The following CCDC171 variants were observed in gnomAD, a reference collection of about 807,000 sequenced individuals.
CCDC171 encodes the protein coiled-coil domain-containing protein 171.
A neutral mutation model predicts 168.2 loss-of-function variants in CCDC171; 177 were observed. That is an observed-to-expected ratio of 1.05 (90% CI 0.93 to 1.19). The LOEUF (loss-of-function observed/expected upper bound fraction) is 1.19, where lower values mean the gene tolerates loss of function less well. Among genes scored for constraint, CCDC171 ranks in the 50% most tolerant of loss-of-function variants. The pLI, the probability that CCDC171 is intolerant of heterozygous loss-of-function variation, is 0.00. For synonymous variants in CCDC171, 687 were observed against 540.8 expected (o/e 1.27, Z -3.75); for missense variants, 1,991 against 1,539.0 (o/e 1.29, Z -4.91).
rs565535330 is a variant in CCDC171 at position 15,677,980 on chromosome 9, G to A, written c.1077-778G>A. Among the ~76,000 whole-genome samples, 3 of 131,896 alleles carry A rather than the reference G, an allele frequency of 2.3e-5. No homozygotes were observed. In the Admixed American group the frequency reaches 2.5e-4, roughly 11 times the overall value. The allele number at this position is 131,896 out of a possible 152,430, so 86.5% of individuals were successfully genotyped here. A position where few individuals can be genotyped will look rare whatever the true frequency, so the allele number is the denominator to read the frequency against. On this transcript the variant is annotated intron_variant, in intron 9 of 25. Coordinates refer to ENST00000380701, the MANE Select transcript of CCDC171 (RefSeq NM_173550.4). Reference sequence around the variant, plus strand: ...ACTGGAGTGCAGTGGCACAATCATAGCTCACTGCAACCTTGAACTCCTGGG... The same window carrying A: ...ACTGGAGTGCAGTGGCACAATCATAACTCACTGCAACCTTGAACTCCTGGG...
chr9:16,019,111 T>A (rs1279316080), intron 3 of CCDC171, among the ~76,000 whole-genome samples: 1 of 152,206 alleles, frequency 6.6e-6, no homozygotes, highest in Non-Finnish European at 1.5e-5. Context: ...TTTAAAGCCT[T>A]TGATTGGGAG....
intron 3 of CCDC171, among the ~76,000 whole-genome samples, chr9:16,010,413 A>C (rs946249028): frequency 6.6e-6 from 1 of 152,062 alleles, no homozygotes; most frequent in Non-Finnish European, 1.5e-5. Context: ...GTCACTAGGG[A>C]ATGCCTAAGG....
At chr9:15,948,532 A>G (rs1351873624) in intron 25 of CCDC171, among the ~76,000 whole-genome samples, 8 of 151,318 alleles carry the variant, frequency 5.3e-5, no homozygotes, top group African/African-American at 1.7e-4. Context: ...CTGGTGTGAG[A>G]TGATATCTCA....
At chr9:15,759,974 T>C (rs988829203) in intron 18 of CCDC171, among the ~76,000 whole-genome samples, 2 of 152,186 alleles carry the variant, frequency 1.3e-5, no homozygotes, top group African/African-American at 4.8e-5. Flanking sequence ...TGTTAAATTA[T>C]GAGCAGTATC....
intron 21 of CCDC171, among the ~76,000 whole-genome samples, chr9:15,797,537 T>C (rs182162998): frequency 2.6e-5 from 4 of 152,248 alleles, no homozygotes; most frequent in African/African-American, 4.8e-5. Flanking sequence ...TTTTAAACTT[T>C]GGGTTGTTTG....
At chr9:15,696,080 A>G (rs2051191106) in intron 11 of CCDC171, among the ~76,000 whole-genome samples, 1 of 152,182 alleles carries the variant, frequency 6.6e-6, no homozygotes, top group Admixed American at 6.5e-5. Flanking sequence ...GCCCTGAATT[A>G]TTTGGTGGTC....
the CCDC171 span, among the ~76,000 whole-genome samples, chr9:16,094,867 G>A: frequency 1.3e-5 from 2 of 152,200 alleles, no homozygotes; most frequent in Non-Finnish European, 2.9e-5. Context: ...GTAATCCCCA[G>A]TGTTGAAAGA....
intron 25 of CCDC171, among the ~76,000 whole-genome samples, chr9:15,971,129 C>T (rs1831321746): frequency 6.6e-6 from 1 of 152,068 alleles, no homozygotes; most frequent in Non-Finnish European, 1.5e-5. Flanking sequence ...GCTTATTTTA[C>T]TTTGTGCTAC....
At position 15,613,554 on chromosome 9, in the gene CCDC171, C is replaced by T. The variant is rs191486608; in HGVS notation, c.676-9713C>T. On this transcript the variant is annotated intron_variant, in intron 6 of 25. Transcript: ENST00000380701. ...TTTTTTTTTTTTTCAGATGGAGTCT[C>T]GCTCTGTCGCCAGGCTGGAGTGCAG... Among the ~76,000 whole-genome samples, 474 of 144,094 alleles carry T rather than the reference C, an allele frequency of 3.3e-3. 1 individual carries two copies. Among genetic ancestry groups the T allele is most frequent in the Non-Finnish European group, 4.2e-3 (277 of 66,708 alleles). 94.5% of individuals were successfully genotyped at this position (144,094 alleles called of 152,430 possible).
chr9:15,627,237 A>G (rs1223355687), intron 7 of CCDC171, among the ~76,000 whole-genome samples: 1 of 151,692 alleles, frequency 6.6e-6, no homozygotes, highest in Non-Finnish European at 1.5e-5. Flanking sequence ...CTAGCTGTCT[A>G]TCAATTTTGT....
chr9:15,931,913 G>A (rs1293210210), intron 25 of CCDC171, among the ~76,000 whole-genome samples: 2 of 151,204 alleles, frequency 1.3e-5, no homozygotes, highest in Non-Finnish European at 3.0e-5. Flanking sequence ...AGCACCTTAG[G>A]TGTATGACTT....
At chr9:15,859,429 T>C (rs2061469221) in intron 23 of CCDC171, among the ~76,000 whole-genome samples, 1 of 151,982 alleles carries the variant, frequency 6.6e-6, no homozygotes, top group Non-Finnish European at 1.5e-5. Context: ...TTTCCCTCCT[T>C]TTCAAATTTT....
chr9:15,982,795 C>T (rs923473759), intron 3 of CCDC171, among the ~76,000 whole-genome samples: 3 of 152,060 alleles, frequency 2.0e-5, no homozygotes, highest in African/African-American at 4.8e-5. Flanking sequence ...AGAGTCTTCA[C>T]GATTCATTTC....
intron 7 of CCDC171, among the ~76,000 whole-genome samples, chr9:15,623,963 C>T (rs4741519): frequency 0.41 from 61,875 of 151,918 alleles, 14,405 homozygotes; most frequent in East Asian, 0.76. Context: ...TTTGTTAGTT[C>T]ATCTTTTTAA....
chr9:16,090,792 C>A, the CCDC171 span, among the ~76,000 whole-genome samples: 1 of 152,268 alleles, frequency 6.6e-6, no homozygotes, highest in African/African-American at 2.4e-5. Flanking sequence ...TATAAAGAGA[C>A]TCTTAATAAT....
chr9:15,623,475 G>GCGCGCGCGCGCACA, intron 7 of CCDC171, 62 bp downstream of exon 7: 17 of 315,470 alleles, frequency 5.4e-5, no homozygotes, highest in South Asian at 2.8e-4. Flanking sequence ...GCGCGCGCGC[G>GCGCGCGCGCGCACA]CACACACACA....
chr9:15,603,324 G>T (rs996820576), intron 6 of CCDC171, among the ~76,000 whole-genome samples: 1 of 152,148 alleles, frequency 6.6e-6, no homozygotes, highest in Admixed American at 6.5e-5. Flanking sequence ...ATGTGCCATG[G>T]TGGTTTGCTG....
chr9:16,058,930 T>A (rs1833885750), intron 1 of CCDC171, among the ~76,000 whole-genome samples: 3 of 152,248 alleles, frequency 2.0e-5, no homozygotes, highest in Admixed American at 2.0e-4. Context: ...CTAACTAGTG[T>A]GGTTTCAGTT....
Position 15,819,127 on chromosome 9 carries a change from A to C in CCDC171, c.3268-27575A>C, listed in dbSNP as rs1414855357. Among the ~76,000 whole-genome samples, 3 of 117,422 alleles carry C rather than the reference A, an allele frequency of 2.6e-5. 1 individual carries two copies. Among genetic ancestry groups the C allele is most frequent in the East Asian group, 2.1e-4 (1 of 4,666 alleles). 77.0% of individuals were successfully genotyped at this position (117,422 alleles called of 152,430 possible). A position where few individuals can be genotyped will look rare whatever the true frequency, so the allele number is the denominator to read the frequency against. On this transcript the variant is annotated intron_variant, in intron 21 of 25. Transcript: ENST00000380701. Reference sequence around the variant, plus strand: ...AAGTGAAGGAGAAATAAAATCCTTTACAGACAAGCAAATGCTGAGAGATTT... The same window carrying C: ...AAGTGAAGGAGAAATAAAATCCTTTCCAGACAAGCAAATGCTGAGAGATTT...
Sources: gnomAD v4.1 joint callset for allele counts (sites outside exome capture counted in the v4.1 genomes callset) on GRCh38, gnomAD v4.1.1 for gene constraint, MANE v1.5 for transcripts, NCBI Gene and HGNC (gene_info 2026-07-23, HGNC 2026-07-21) for gene names.